FKBP15: variants seen among roughly 807,000 people sequenced by gnomAD.
FKBP15 encodes the protein FK506-binding protein 15.
Under a neutral mutation model 158.1 loss-of-function variants are expected in FKBP15, and 106 were observed. The observed-to-expected ratio is 0.67, with a 90% CI of 0.57 to 0.79. The LOEUF (loss-of-function observed/expected upper bound fraction) is 0.79. Among genes scored for constraint, FKBP15 ranks in the 30% least tolerant of loss-of-function variants. The pLI is 0.00. For synonymous variants in FKBP15, 547 were observed against 548.6 expected (o/e 1.00, Z 0.04); for missense variants, 1,287 against 1,479.1 (o/e 0.87, Z 2.13).
intron 22 of FKBP15, 77 bp from the exon 23 acceptor site, chr9:113,173,682 C>T: frequency 6.7e-7 from 1 of 1,485,990 alleles, no homozygotes; most frequent in Non-Finnish European, 9.1e-7. Flanking sequence ...GGAAACCCAT[C>T]TTTCAAAAAG....
chr9:113,209,320 A>G (rs551853955), intron 2 of FKBP15, among the ~76,000 whole-genome samples: 3 of 152,298 alleles, frequency 2.0e-5, no homozygotes, highest in African/African-American at 7.2e-5. Context: ...TAAAAAACCA[A>G]GTGTTTTCAT....
chr9:113,171,061 T>C (rs1310728772), intron 24 of FKBP15, among the ~76,000 whole-genome samples: 1 of 152,224 alleles, frequency 6.6e-6, no homozygotes, highest in African/African-American at 2.4e-5. Context: ...TAGGGTTCTT[T>C]TGGGTTTGCC....
At chr9:113,197,143 A>G in intron 8 of FKBP15, 65 bp from the exon 9 acceptor site, 3 of 1,573,096 alleles carry the variant, frequency 1.9e-6, no homozygotes, top group Non-Finnish European at 1.7e-6. Context: ...AGTGAAGTAC[A>G]GGAGCAACAG....
chr9:113,162,013 C>A lies in FKBP15; in HGVS notation c.*4065G>T. 4.5e-6 allele frequency: 2 copies of A among 439,664 alleles called. No individual in the cohort carries two copies. The highest frequency in any genetic ancestry group is 8.4e-6 in the Non-Finnish European group (2 of 237,340). 27.2% of individuals were successfully genotyped at this position (439,664 alleles called of 1,614,324 possible). On this transcript the variant is annotated 3_prime_UTR_variant, in exon 28 of 28. Coordinates refer to ENST00000238256, the MANE Select transcript of FKBP15 (RefSeq NM_015258.2). ...CACCCTCCCCCAAATCTCACCAGTT[C>A]CATGGGTCACTAGGCTCCCATATCC...
intron 2 of FKBP15, among the ~76,000 whole-genome samples, chr9:113,210,130 GA>G (rs1282679886): frequency 6.6e-6 from 1 of 152,072 alleles, no homozygotes; most frequent in African/African-American, 2.4e-5. Flanking sequence ...CCTTGCTTTC[GA>G]ACCTCTCCAT....
At chr9:113,208,232 G>A (rs949387946) in intron 2 of FKBP15, among the ~76,000 whole-genome samples, 7 of 152,152 alleles carry the variant, frequency 4.6e-5, no homozygotes, top group African/African-American at 1.7e-4. Context: ...AGCTACTCAT[G>A]AGGCTGAAGA....
At chr9:113,168,612 C>T (rs2118854838) in intron 26 of FKBP15, 56 bp from the exon 27 acceptor site, 1 of 1,490,026 alleles carries the variant, frequency 6.7e-7, no homozygotes, top group Non-Finnish European at 9.3e-7. Flanking sequence ...GGTCACAGTA[C>T]CCACCACCTA....
intron 19 of FKBP15, 58 bp downstream of exon 19, chr9:113,182,708 G>A: frequency 5.8e-6 from 8 of 1,385,860 alleles, no homozygotes; most frequent in Non-Finnish European, 8.2e-6. Flanking sequence ...ATGTACATGG[G>A]ACCATTCCTT....
intron 6 of FKBP15, among the ~76,000 whole-genome samples, chr9:113,201,100 A>ATTTT (rs11421526): frequency 2.1e-5 from 3 of 142,508 alleles, no homozygotes; most frequent in Non-Finnish European, 4.6e-5. Context: ...ATGAGGCATC[A>ATTTT]TTTTTTTTTT....
intron 1 of FKBP15, among the ~76,000 whole-genome samples, chr9:113,212,189 T>C (rs1831020125): frequency 6.6e-6 from 1 of 152,016 alleles, no homozygotes; most frequent in Admixed American, 6.6e-5. Flanking sequence ...AATTTTTTTG[T>C]TTGTTTTTGT....
At chr9:113,183,168 G>A (rs1830430359) in intron 18 of FKBP15, among the ~76,000 whole-genome samples, 2 of 152,086 alleles carry the variant, frequency 1.3e-5, no homozygotes, top group Admixed American at 1.3e-4. Context: ...AAGAAAGAGG[G>A]AAGAAGAGAA....
intron 23 of FKBP15, 82 bp from the exon 24 acceptor site, chr9:113,171,788 C>CATCAA: frequency 8.6e-7 from 1 of 1,163,628 alleles, no homozygotes; most frequent in Non-Finnish European, 1.1e-6. Flanking sequence ...ACCACCCAAA[C>CATCAA]ATCAAGTCTC....
At chr9:113,217,201 G>A (rs967978709) in intron 1 of FKBP15, among the ~76,000 whole-genome samples, 6 of 89,398 alleles carry the variant, frequency 6.7e-5, no homozygotes, top group Non-Finnish European at 1.2e-4. Flanking sequence ...ACCACGCCCA[G>A]TTTTTTTTTT....
intron 1 of FKBP15, among the ~76,000 whole-genome samples, chr9:113,213,080 C>CA (rs1311211951): frequency 1.3e-5 from 2 of 152,042 alleles, no homozygotes; most frequent in African/African-American, 4.8e-5. Context: ...AGATCTATTA[C>CA]AAAAAAATAT....
chr9:113,193,651 T>C, intron 10 of FKBP15, 102 bp from the exon 11 acceptor site: 1 of 941,628 alleles, frequency 1.1e-6, no homozygotes, highest in South Asian at 1.4e-5. Context: ...TGTGTGCCAA[T>C]TTAATGACTG....
intron 11 of FKBP15, among the ~76,000 whole-genome samples, chr9:113,192,992 T>C (rs915452266): frequency 6.6e-6 from 1 of 152,212 alleles, no homozygotes; most frequent in African/African-American, 2.4e-5. Flanking sequence ...GGTGACCACT[T>C]ATTAAAGACA....
rs147385974 is a variant in FKBP15, at chr9:113,162,966, T to C, written c.*3112A>G. 397 of 1,487,244 alleles carry C rather than the reference T, an allele frequency of 2.7e-4. 2 individuals are homozygous for C. In the African/African-American group the frequency reaches 5.0e-3, roughly 19 times the overall value. The allele number at this position is 1,487,244 out of a possible 1,614,324, so 92.1% of individuals were successfully genotyped here. A position where few individuals can be genotyped will look rare whatever the true frequency, so the allele number is the denominator to read the frequency against. ...GAGGCTGGAGGGACATGGAGCCCCC[T>C]CTTCCAGACACTATACTTCCAACTG... is the stretch of plus-strand genomic sequence containing the variant. On this transcript the variant is annotated 3_prime_UTR_variant, in exon 28 of 28. Transcript: ENST00000238256.
intron 9 of FKBP15, among the ~76,000 whole-genome samples, chr9:113,194,737 T>C (rs1830638754): frequency 6.6e-6 from 1 of 152,204 alleles, no homozygotes; most frequent in Non-Finnish European, 1.5e-5. Flanking sequence ...TCATTAAATA[T>C]TAATTTGCAA....
chr9:113,194,851 A>T (rs1830640781), intron 9 of FKBP15, among the ~76,000 whole-genome samples: 1 of 152,256 alleles, frequency 6.6e-6, no homozygotes, highest in Non-Finnish European at 1.5e-5. Flanking sequence ...AACTAAAGTC[A>T]TAAATATCTA....
Sources: allele counts gnomAD v4.1 joint callset (sites outside exome capture counted in the v4.1 genomes callset), GRCh38; gene constraint gnomAD v4.1.1; transcripts MANE v1.5; gene names NCBI Gene and HGNC (gene_info 2026-07-23, HGNC 2026-07-21).